The following ACSS3 variants were observed in gnomAD, a reference collection of about 807,000 sequenced individuals.
The protein encoded by ACSS3 is acyl-CoA synthetase short-chain family member 3, mitochondrial.
Under a neutral mutation model 84.2 loss-of-function variants are expected in ACSS3, and 64 were observed. The ratio of observed to expected loss-of-function variants is 0.76; its 90% CI spans 0.62 to 0.94. The LOEUF is 0.94. Ranked by LOEUF, ACSS3 falls within the 40% of genes least tolerant of loss-of-function variation. The pLI is 0.00. For missense variants in ACSS3, 815 were observed against 867.6 expected, an observed-to-expected ratio of 0.94 and a Z score of 0.76; for synonymous variants, 317 against 310.1, an observed-to-expected ratio of 1.02 and a Z score of -0.23.
intron 9 of ACSS3, among the ~76,000 whole-genome samples, chr12:81,215,737 A>G (rs1037121286): frequency 4.6e-5 from 7 of 152,186 alleles, no homozygotes; most frequent in South Asian, 2.1e-4. Context: ...CCTTTCGTAC[A>G]TATATATTTT....
At chr12:81,199,684 A>G in intron 9 of ACSS3, 6 of 1,429,162 alleles carry the variant, frequency 4.2e-6, no homozygotes, top group Non-Finnish European at 5.6e-6. Context: ...AGACCTCTTT[A>G]TCTTCTCTTC....
At chr12:81,090,785 T>G (rs1321591110) in intron 1 of ACSS3, among the ~76,000 whole-genome samples, 1 of 151,956 alleles carries the variant, frequency 6.6e-6, no homozygotes, top group East Asian at 1.9e-4. Context: ...TCAAGACAAA[T>G]ACATATATAC....
At chr12:81,230,976 C>G in intron 11 of ACSS3, 81 bp from the exon 12 acceptor site, 2 of 1,029,892 alleles carry the variant, frequency 1.9e-6, no homozygotes, top group South Asian at 2.8e-5. Context: ...TTATCTGTCA[C>G]AGTAGAAAAA....
intron 13 of ACSS3, among the ~76,000 whole-genome samples, chr12:81,234,036 A>G (rs1227976508): frequency 4.0e-5 from 6 of 151,554 alleles, no homozygotes; most frequent in Non-Finnish European, 7.4e-5. Flanking sequence ...AACGCTGTCA[A>G]ATAATTCCAT....
intron 7 of ACSS3, among the ~76,000 whole-genome samples, chr12:81,158,760 G>A (rs1485731960): frequency 6.6e-6 from 1 of 152,090 alleles, no homozygotes; most frequent in African/African-American, 2.4e-5. Context: ...CCTCAGGGAA[G>A]CCCTCCTTGA....
intron 9 of ACSS3, among the ~76,000 whole-genome samples, chr12:81,213,959 CTT>C (rs879654935): frequency 0.56 from 41,887 of 75,294 alleles, 11,229 homozygotes; most frequent in Non-Finnish European, 0.64. Context: ...CCCTCTCTCT[CTT>C]TCTTTCTTTC....
chr12:81,136,771 A>G (rs928100371), intron 3 of ACSS3, among the ~76,000 whole-genome samples: 4 of 152,192 alleles, frequency 2.6e-5, no homozygotes, highest in East Asian at 1.9e-4. Flanking sequence ...GGCAAGTGTC[A>G]TGTTTTAAAC....
chr12:81,241,412 C>T (rs1161043528), intron 13 of ACSS3, among the ~76,000 whole-genome samples: 3 of 152,124 alleles, frequency 2.0e-5, no homozygotes, highest in Non-Finnish European at 4.4e-5. Context: ...AATTGCCACA[C>T]TGACTTCCAC....
intron 7 of ACSS3, among the ~76,000 whole-genome samples, chr12:81,154,448 TA>T (rs1449234748): frequency 6.6e-6 from 1 of 152,194 alleles, no homozygotes; most frequent in African/African-American, 2.4e-5. Context: ...TTGACTGAAG[TA>T]AGCTACTATT....
intron 2 of ACSS3, among the ~76,000 whole-genome samples, chr12:81,130,399 T>G (rs1383697794): frequency 1.3e-5 from 2 of 152,234 alleles, no homozygotes; most frequent in African/African-American, 2.4e-5. Flanking sequence ...TTTTTTCATG[T>G]GTCAGTTGGC....
At chr12:81,081,162 A>G (rs1027955086) in intron 1 of ACSS3, among the ~76,000 whole-genome samples, 2 of 152,228 alleles carry the variant, frequency 1.3e-5, no homozygotes, top group Non-Finnish European at 2.9e-5. Flanking sequence ...AAGTCTCAGC[A>G]TATAAATAGT....
At chr12:81,166,260 G>C (rs552331339) in intron 7 of ACSS3, among the ~76,000 whole-genome samples, 3 of 152,284 alleles carry the variant, frequency 2.0e-5, no homozygotes, top group Non-Finnish European at 4.4e-5. Context: ...GAGATGAAAA[G>C]GGAGCTGAAA....
chr12:81,211,929 C>G (rs1025646906), intron 9 of ACSS3, among the ~76,000 whole-genome samples: 2 of 152,298 alleles, frequency 1.3e-5, no homozygotes, highest in Admixed American at 1.3e-4. Context: ...GGCTGCCTCA[C>G]TGTTCTCAAA....
rs1325808970 is a variant in ACSS3, at chr12:81,255,435, A to G, written c.*513A>G. 2 of 152,150 alleles carry G rather than the reference A, an allele frequency of 1.3e-5. No individual in the cohort carries two copies. Among genetic ancestry groups the G allele is most frequent in the Non-Finnish European group, 2.9e-5 (2 of 68,088 alleles). 9.4% of individuals were successfully genotyped at this position (152,150 alleles called of 1,614,324 possible). A position where few individuals can be genotyped will look rare whatever the true frequency, so the allele number is the denominator to read the frequency against. ...GGTAATCATCTAGACAGATGAAATT[A>G]TTATCTAGGTAGGAGGGCTTTTCTA... is the stretch of plus-strand genomic sequence containing the variant. On this transcript the variant is annotated 3_prime_UTR_variant, in exon 16 of 16. Coordinates refer to ENST00000548058, the MANE Select transcript of ACSS3 (RefSeq NM_024560.4).
chr12:81,200,889 C>CA (rs35916130), intron 9 of ACSS3, among the ~76,000 whole-genome samples: 10,981 of 56,062 alleles, frequency 0.2, 578 homozygotes, highest in South Asian at 0.26. Context: ...GCAAGACTGT[C>CA]AAAAAAAAAA....
At chr12:81,245,584 CT>C (rs2033957928) in intron 13 of ACSS3, among the ~76,000 whole-genome samples, 1 of 152,194 alleles carries the variant, frequency 6.6e-6, no homozygotes, top group Admixed American at 6.5e-5. Flanking sequence ...AGAATAGTTT[CT>C]TTTAAGGGTA....
Position 81,180,135 on chromosome 12 carries a change from A to G in ACSS3, c.1250+5196A>G, listed in dbSNP as rs1187791110. 5.3e-5 allele frequency among the ~76,000 whole-genome samples: 8 copies of G among 152,346 alleles called. No individual in the cohort carries two copies. The East Asian group carries it at 1.5e-3, about 29-fold the overall frequency. On this transcript the variant is annotated intron_variant, in intron 8 of 15. Transcript: ENST00000548058. ...TAAGCAAATTAATGCAGGAACAGAA[A>G]ACCAAATACTGCATGTTTACTCTTC...
chr12:81,177,037 A>T (rs1026310395), intron 8 of ACSS3, among the ~76,000 whole-genome samples: 6 of 152,250 alleles, frequency 3.9e-5, no homozygotes, highest in African/African-American at 1.4e-4. Context: ...AATATGAGTC[A>T]TCACATAAAA....
intron 4 of ACSS3, among the ~76,000 whole-genome samples, chr12:81,140,265 T>G (rs1039135632): frequency 6.6e-6 from 1 of 152,232 alleles, no homozygotes; most frequent in African/African-American, 2.4e-5. Context: ...GAGAACAGTA[T>G]AAGATATCAA....
Sources: gnomAD v4.1 joint callset for allele counts (sites outside exome capture counted in the v4.1 genomes callset) on GRCh38, gnomAD v4.1.1 for gene constraint, MANE v1.5 for transcripts, NCBI Gene and HGNC (gene_info 2026-07-23, HGNC 2026-07-21) for gene names.